Variants in GALNT12 observed in about 807,000 individuals in gnomAD.
GALNT12 encodes UDP-GalNAc:polypeptide N-acetylgalactosaminyltransferase 12.
A neutral mutation model predicts 55.5 loss-of-function variants in GALNT12; 45 were observed. That is an observed-to-expected ratio of 0.81 (90% CI 0.64 to 1.04). GALNT12 has a LOEUF of 1.04. Ranked by LOEUF, GALNT12 falls within the 50% of genes least tolerant of loss-of-function variation. GALNT12 has a pLI of 0.00. For synonymous variants in GALNT12, 304 were observed against 312.2 expected (o/e 0.97, Z 0.28); for missense variants, 709 against 754.8 (o/e 0.94, Z 0.71).
chr9:98,816,733 C>G (rs1161004817), intron 1 of GALNT12, among the ~76,000 whole-genome samples: 2 of 151,636 alleles, frequency 1.3e-5, no homozygotes, highest in East Asian at 3.9e-4. Flanking sequence ...TCACTGCCAC[C>G]CCCGCCTCCC....
rs145983894 is a variant in GALNT12 at position 98,844,021 on chromosome 9, C to G, written c.1345-75C>G. On this transcript the variant is annotated intron_variant, in intron 7 of 9. Transcript: ENST00000375011. ...CAGGCTCTCCTCTCATGCCAGGTAC[C>G]CTCCCCAAGCCTTGTGTGGCATCTG... The G allele has an allele frequency of 2.7e-5, 27 of 999,002 alleles. No individual in the cohort carries two copies. The East Asian group carries it at 6.0e-4, about 22-fold the overall frequency. 61.9% of individuals were successfully genotyped at this position (999,002 alleles called of 1,614,324 possible). A position where few individuals can be genotyped will look rare whatever the true frequency, so the allele number is the denominator to read the frequency against.
chr9:98,826,702 C>T (rs1835862062), intron 2 of GALNT12, 50 bp from the exon 3 acceptor site: 1 of 1,571,330 alleles, frequency 6.4e-7, no homozygotes, highest in Non-Finnish European at 8.6e-7. Context: ...GGATGAGGCG[C>T]TCCTCCGAGA....
At chr9:98,828,583 C>A (rs552491766) in intron 3 of GALNT12, among the ~76,000 whole-genome samples, 9 of 152,322 alleles carry the variant, frequency 5.9e-5, no homozygotes, top group Admixed American at 1.3e-4. Flanking sequence ...GGCCAGCCGC[C>A]TCCTTGCTGC....
Position 98,849,505 on chromosome 9 carries a change from C to T in GALNT12, c.*413C>T. On this transcript the variant is annotated 3_prime_UTR_variant, in exon 10 of 10. Transcript: ENST00000375011. ...TATCTGCATGGGTGGAAATCAGGTT[C>T]AAGCAACGTACTTTGCATTAACTGA... 1 of 509,164 alleles carries T rather than the reference C, an allele frequency of 2.0e-6. No individual in the cohort carries two copies. Among genetic ancestry groups the T allele is most frequent in the South Asian group, 3.9e-5 (1 of 25,704 alleles). The allele number at this position is 509,164 out of a possible 1,614,324, so 31.5% of individuals were successfully genotyped here.
intron 9 of GALNT12, chr9:98,847,172 T>C (rs568426019): frequency 4.6e-5 from 7 of 152,282 alleles, no homozygotes; most frequent in African/African-American, 1.7e-4. Flanking sequence ...AAGAAAATCA[T>C]TTGAAAGAAA....
chr9:98,835,816 A>G (rs959959186), intron 5 of GALNT12, among the ~76,000 whole-genome samples: 1 of 151,988 alleles, frequency 6.6e-6, no homozygotes, highest in Non-Finnish European at 1.5e-5. Flanking sequence ...GCTCACTGCA[A>G]CCTCCGCCTC....
intron 6 of GALNT12, among the ~76,000 whole-genome samples, chr9:98,838,659 C>A (rs1288742276): frequency 6.6e-6 from 1 of 152,234 alleles, no homozygotes; most frequent in Non-Finnish European, 1.5e-5. Flanking sequence ...CTGCCTCTGC[C>A]CCAGCCAGCT....
intron 3 of GALNT12, among the ~76,000 whole-genome samples, 197 bp downstream of exon 3, chr9:98,827,138 G>A (rs565273621): frequency 6.6e-6 from 1 of 152,328 alleles, no homozygotes; most frequent in South Asian, 2.1e-4. Context: ...AAGTGCCTGG[G>A]AGTGCCAGCT....
intron 1 of GALNT12, among the ~76,000 whole-genome samples, chr9:98,809,903 C>T (rs1835458457): frequency 6.6e-6 from 1 of 152,150 alleles, no homozygotes; most frequent in African/African-American, 2.4e-5. Context: ...GCTTGTAGAT[C>T]CTGCTGTTGC....
At position 98,808,076 on chromosome 9, in the gene GALNT12, G is replaced by T. The variant is rs1009748324; in HGVS notation, c.371+7G>T. On this transcript the variant is annotated splice_region_variant and intron_variant, in intron 1 of 9. Transcript: ENST00000375011. ...CCGAGCGCTGGAACCCGCTGTGAGT[G>T]CACAGCTCTGGGGAGGAAGCCCGCC... is the stretch of plus-strand genomic sequence containing the variant. The T allele has an allele frequency of 1.3e-6, 2 of 1,566,592 alleles. No homozygotes were observed. Among genetic ancestry groups the T allele is most frequent in the Non-Finnish European group, 1.7e-6 (2 of 1,157,868 alleles).
At chr9:98,844,272 A>ATTTTTTTTTTTTTTTTTTTTTTTT in intron 8 of GALNT12, 63 bp downstream of exon 8, 1 of 1,101,572 alleles carries the variant, frequency 9.1e-7, no homozygotes. Context: ...AAATAGTTGA[A>ATTTTTTTTTTTTTTTTTTTTTTTT]TTTTTTTCTT....
intron 6 of GALNT12, among the ~76,000 whole-genome samples, chr9:98,838,376 A>G (rs1353485412): frequency 2.6e-5 from 4 of 152,206 alleles, no homozygotes; most frequent in African/African-American, 9.6e-5. Flanking sequence ...CCAATGGTGA[A>G]GGTGTGCCTG....
intron 2 of GALNT12, among the ~76,000 whole-genome samples, chr9:98,825,173 G>T (rs1287168814): frequency 3.9e-5 from 6 of 152,118 alleles, no homozygotes; most frequent in African/African-American, 1.4e-4. Context: ...ATGTTTAAAT[G>T]TTTAAAAAGT....
chr9:98,831,729 C>T (rs773148471), intron 3 of GALNT12, 43 bp from the exon 4 acceptor site: 6 of 1,611,118 alleles, frequency 3.7e-6, no homozygotes, highest in Admixed American at 3.3e-5. Flanking sequence ...TCCTGCTGCC[C>T]GTCTGCATAG....
At chr9:98,811,542 C>T (rs998802553) in intron 1 of GALNT12, among the ~76,000 whole-genome samples, 10 of 152,188 alleles carry the variant, frequency 6.6e-5, no homozygotes, top group African/African-American at 2.2e-4. Context: ...GAACTGTGAA[C>T]CATTGGTCAA....
intron 7 of GALNT12, among the ~76,000 whole-genome samples, chr9:98,843,052 T>G (rs1285201417): frequency 6.6e-6 from 1 of 152,232 alleles, no homozygotes; most frequent in Non-Finnish European, 1.5e-5. Flanking sequence ...CTCTAAATTT[T>G]TCTCATTGGG....
chr9:98,829,800 T>G (rs1368508306), intron 3 of GALNT12, among the ~76,000 whole-genome samples: 1 of 152,236 alleles, frequency 6.6e-6, no homozygotes, highest in Non-Finnish European at 1.5e-5. Context: ...AATGACAGCA[T>G]CTCATTCTTT....
At chr9:98,826,489 A>C (rs1420627877) in intron 2 of GALNT12, among the ~76,000 whole-genome samples, 1 of 152,078 alleles carries the variant, frequency 6.6e-6, no homozygotes, top group Non-Finnish European at 1.5e-5. Flanking sequence ...CACCCATTTG[A>C]AGTGTACAAT....
intron 1 of GALNT12, among the ~76,000 whole-genome samples, chr9:98,820,025 C>G (rs1230720415): frequency 6.6e-6 from 1 of 152,194 alleles, no homozygotes; most frequent in Admixed American, 6.5e-5. Flanking sequence ...TTCAACATTT[C>G]TAAAATTAGC....
Sources: gnomAD v4.1 joint callset for allele counts (sites outside exome capture counted in the v4.1 genomes callset) on GRCh38, gnomAD v4.1.1 for gene constraint, MANE v1.5 for transcripts, NCBI Gene and HGNC (gene_info 2026-07-23, HGNC 2026-07-21) for gene names.